NSMCE2: variants seen among roughly 807,000 people sequenced by gnomAD.
NSMCE2 encodes E3 SUMO-protein ligase NSE2.
Under a neutral mutation model 23.8 loss-of-function variants are expected in NSMCE2, and 24 were observed. The observed-to-expected ratio is 1.01, with a 90% CI of 0.73 to 1.42. The LOEUF is 1.42. Ranked by LOEUF, NSMCE2 falls within the 40% of genes most tolerant of loss-of-function variation. The probability of loss-of-function intolerance (pLI) is 0.00; values close to 1 mark genes in which losing one functional copy is unlikely to be tolerated. For missense variants in NSMCE2, 284 were observed against 296.5 expected, an observed-to-expected ratio of 0.96 and a Z score of 0.31; for synonymous variants, 92 against 94.1, an observed-to-expected ratio of 0.98 and a Z score of 0.13.
chr8:125,315,936 G>A (rs187121925), intron 5 of NSMCE2, among the ~76,000 whole-genome samples: 8 of 152,240 alleles, frequency 5.3e-5, no homozygotes, highest in Admixed American at 3.9e-4. Flanking sequence ...CTGAGTAGCT[G>A]TGACCATAGG....
chr8:125,339,411 T>C (rs1297218269), intron 5 of NSMCE2, among the ~76,000 whole-genome samples: 2 of 152,018 alleles, frequency 1.3e-5, no homozygotes, highest in African/African-American at 4.8e-5. Flanking sequence ...CTACCACACA[T>C]GAGAGGCACA....
At chr8:125,256,099 T>C (rs866390474) in intron 5 of NSMCE2, among the ~76,000 whole-genome samples, 1 of 151,928 alleles carries the variant, frequency 6.6e-6, no homozygotes, top group Non-Finnish European at 1.5e-5. Flanking sequence ...CTGGCCAACA[T>C]GGTGAAATCC....
At chr8:125,129,921 A>C (rs1257110571) in intron 3 of NSMCE2, among the ~76,000 whole-genome samples, 1 of 152,146 alleles carries the variant, frequency 6.6e-6, no homozygotes, top group Non-Finnish European at 1.5e-5. Context: ...ACCATGGTAC[A>C]TTTGTCAAAA....
At chr8:125,167,199 A>C (rs1022451954) in intron 4 of NSMCE2, among the ~76,000 whole-genome samples, 2 of 152,214 alleles carry the variant, frequency 1.3e-5, no homozygotes, top group Admixed American at 6.5e-5. Context: ...ATGACCAACC[A>C]CTACTGAGTT....
intron 5 of NSMCE2, among the ~76,000 whole-genome samples, chr8:125,281,566 A>C (rs1827697191): frequency 6.6e-6 from 1 of 151,866 alleles, no homozygotes; most frequent in African/African-American, 2.4e-5. Flanking sequence ...CAGCCTCCTG[A>C]GTAGCTGTAA....
At chr8:125,129,982 C>G (rs1819683656) in intron 3 of NSMCE2, among the ~76,000 whole-genome samples, 2 of 152,112 alleles carry the variant, frequency 1.3e-5, no homozygotes, top group South Asian at 4.1e-4. Context: ...ATAGTAAGCT[C>G]CAGACTTTAT....
At chr8:125,351,667 T>C (rs1285710245) in intron 5 of NSMCE2, among the ~76,000 whole-genome samples, 1 of 152,194 alleles carries the variant, frequency 6.6e-6, no homozygotes, top group Non-Finnish European at 1.5e-5. Context: ...AATCCAATTG[T>C]TGCTTTATTA....
chr8:125,105,433 T>C (rs1332777320), intron 3 of NSMCE2, among the ~76,000 whole-genome samples: 1 of 152,226 alleles, frequency 6.6e-6, no homozygotes, highest in African/African-American at 2.4e-5. Flanking sequence ...AGGATTCTTT[T>C]TGAAGATTCC....
At chr8:125,166,349 C>T (rs982308733) in intron 4 of NSMCE2, among the ~76,000 whole-genome samples, 6 of 152,162 alleles carry the variant, frequency 3.9e-5, no homozygotes, top group African/African-American at 1.4e-4. Context: ...TTACTGCAAC[C>T]TCTGCCTCCC....
chr8:125,358,210 G>A (rs1813369900), intron 7 of NSMCE2, among the ~76,000 whole-genome samples: 1 of 151,964 alleles, frequency 6.6e-6, no homozygotes, highest in African/African-American at 2.4e-5. Flanking sequence ...GCAGGTGCCT[G>A]TAATCCCAGC....
intron 3 of NSMCE2, among the ~76,000 whole-genome samples, chr8:125,104,865 T>TA (rs1818381337): frequency 6.6e-6 from 1 of 152,166 alleles, no homozygotes; most frequent in East Asian, 1.9e-4. Context: ...CTGTCTCTAC[T>TA]AAAAAACAAA....
intron 5 of NSMCE2, among the ~76,000 whole-genome samples, chr8:125,187,112 C>T (rs1823142074): frequency 6.6e-6 from 1 of 152,154 alleles, no homozygotes; most frequent in African/African-American, 2.4e-5. Context: ...TGAGGAAGAG[C>T]TAGTACAGCA....
At chr8:125,328,138 A>G (rs916167046) in intron 5 of NSMCE2, among the ~76,000 whole-genome samples, 1 of 145,596 alleles carries the variant, frequency 6.9e-6, no homozygotes, top group Non-Finnish European at 1.5e-5. Flanking sequence ...TCATCCAAAG[A>G]CTTCTCACTG....
intron 5 of NSMCE2, among the ~76,000 whole-genome samples, chr8:125,349,481 A>G (rs1812938715): frequency 6.6e-6 from 1 of 152,128 alleles, no homozygotes; most frequent in African/African-American, 2.4e-5. Context: ...AGGCATGGTG[A>G]CTAATGCTTA....
chr8:125,235,016 C>T (rs1366105094), intron 5 of NSMCE2, among the ~76,000 whole-genome samples: 4 of 152,138 alleles, frequency 2.6e-5, no homozygotes, highest in South Asian at 2.1e-4. Flanking sequence ...GAGGCTGAGG[C>T]GGGCAGATCA....
intron 4 of NSMCE2, among the ~76,000 whole-genome samples, chr8:125,159,819 G>A (rs1366323439): frequency 6.6e-6 from 1 of 152,102 alleles, no homozygotes; most frequent in Non-Finnish European, 1.5e-5. Flanking sequence ...AATCGGCTGG[G>A]TGTGGTGGCA....
chr8:125,171,841 A>C (rs1316218014), intron 4 of NSMCE2, among the ~76,000 whole-genome samples: 1 of 152,228 alleles, frequency 6.6e-6, no homozygotes, highest in African/African-American at 2.4e-5. Flanking sequence ...CTCTTCCTGC[A>C]GTGATGGAAA....
intron 5 of NSMCE2, among the ~76,000 whole-genome samples, chr8:125,199,675 G>A (rs912048589): frequency 2.6e-5 from 4 of 152,300 alleles, no homozygotes; most frequent in Non-Finnish European, 5.9e-5. Flanking sequence ...GGAGAGTTTT[G>A]TAGATGTCTA....
intron 3 of NSMCE2, chr8:125,130,209 A>G (rs1318106054): frequency 2.2e-6 from 1 of 455,474 alleles, no homozygotes; most frequent in African/African-American, 2.0e-5. Context: ...GATTTGCGTT[A>G]CAGGTTTTTG....
Sources: gnomAD v4.1 joint callset for allele counts (sites outside exome capture counted in the v4.1 genomes callset) on GRCh38, gnomAD v4.1.1 for gene constraint, MANE v1.5 for transcripts, NCBI Gene and HGNC (gene_info 2026-07-23, HGNC 2026-07-21) for gene names.